The following HERC6 variants were observed in gnomAD, a reference collection of about 807,000 sequenced individuals.
HERC6 encodes probable E3 ubiquitin-protein ligase HERC6.
In HERC6, 101 loss-of-function variants were observed where a neutral mutation model predicts 114.5. The ratio of observed to expected loss-of-function variants is 0.88; its 90% CI spans 0.75 to 1.04. The LOEUF is 1.04. Among genes scored for constraint, HERC6 ranks in the 50% least tolerant of loss-of-function variants. The pLI is 0.00. For missense variants in HERC6, 1,133 were observed against 1,230.9 expected (o/e 0.92, Z 1.19); for synonymous variants, 408 against 436.2 (o/e 0.94, Z 0.81).
intron 10 of HERC6, among the ~76,000 whole-genome samples, chr4:88,406,569 A>T (rs1735822776): frequency 6.6e-6 from 1 of 152,172 alleles, no homozygotes; most frequent in African/African-American, 2.4e-5. Flanking sequence ...TCCTAATGTG[A>T]AAAAGTATCC....
intron 3 of HERC6, among the ~76,000 whole-genome samples, chr4:88,387,355 C>A (rs1002143525): frequency 2.2e-4 from 34 of 152,088 alleles, no homozygotes; most frequent in African/African-American, 7.7e-4. Context: ...TATGATTGTG[C>A]CACTGCATTC....
Position 88,385,543 on chromosome 4 carries a change from G to A in HERC6, c.404G>A (p.Cys135Tyr), listed in dbSNP as rs756499513. The change falls in exon 3 of 23, where the codon TGT becomes TAT. Residue 135 changes from cysteine to tyrosine, a missense_variant. Cys to Tyr is a radical substitution (Grantham distance 194). This residue lies in a region of HERC6 where 735 missense variants were observed against 754.0 expected (regional missense o/e 0.97). Coordinates refer to ENST00000264346, the MANE Select transcript of HERC6 (RefSeq NM_017912.4). ...GATATAAAAATAATACAAGTTTCCTGTGGACACTACCACTCCCTGGCATTA... is the reference window on the plus strand; with the variant it reads ...GATATAAAAATAATACAAGTTTCCTATGGACACTACCACTCCCTGGCATTA... ...LNDIKIIQVS[C>Y]GHYHSLALSK... 4 of 1,505,988 alleles carry A rather than the reference G, an allele frequency of 2.7e-6. No individual in the cohort carries two copies. In the East Asian group the frequency reaches 1.0e-4, roughly 38 times the overall value. 93.3% of individuals were successfully genotyped at this position (1,505,988 alleles called of 1,614,324 possible).
At chr4:88,439,771 T>C (rs528635180) in intron 20 of HERC6, 103 bp from the exon 21 acceptor site, 20 of 1,144,330 alleles carry the variant, frequency 1.7e-5, no homozygotes, top group Non-Finnish European at 2.1e-5. Context: ...TAATTTACTT[T>C]TCCTTCTCAA....
chr4:88,388,087 T>G (rs1734682283), intron 3 of HERC6, among the ~76,000 whole-genome samples: 3 of 152,240 alleles, frequency 2.0e-5, no homozygotes. Context: ...CTCTGAGATA[T>G]GTTAGCATTT....
intron 8 of HERC6, chr4:88,398,444 G>T: frequency 2.8e-6 from 1 of 356,794 alleles, no homozygotes. Flanking sequence ...TTTCTTTATG[G>T]GTAAGTGTGT....
At position 88,442,712 on chromosome 4, in the gene HERC6, C is replaced by A. The variant is rs1258232008; in HGVS notation, c.*252C>A. ...TCCCTGGCACTGAAGAGTCTGAACA[C>A]TGGCCTGTGATTGGTCCATTCCAGG... On this transcript the variant is annotated 3_prime_UTR_variant, in exon 23 of 23. Transcript: ENST00000264346. 5.7e-6 allele frequency: 3 copies of A among 523,728 alleles called. No individual in the cohort carries two copies. Among genetic ancestry groups the A allele is most frequent in the African/African-American group, 5.7e-5 (3 of 52,490 alleles). The allele number at this position is 523,728 out of a possible 1,614,324, so 32.4% of individuals were successfully genotyped here.
rs765311442 is a variant in HERC6 at position 88,379,129 on chromosome 4, G to C, written c.199+9G>C. The C allele has an allele frequency of 6.5e-7, 1 of 1,536,252 alleles. No individual in the cohort carries two copies. The highest frequency in any genetic ancestry group is 8.7e-7 in the Non-Finnish European group (1 of 1,144,354). Reference sequence around the variant, plus strand: ...GCGCGGGGAGCTGCCAGGTGAGCGGGGGGCCCCAGGTGCAGGGTGTGAGGA... The same window carrying C: ...GCGCGGGGAGCTGCCAGGTGAGCGGCGGGCCCCAGGTGCAGGGTGTGAGGA... On this transcript the variant is annotated intron_variant, in intron 1 of 22. Transcript: ENST00000264346.
At chr4:88,421,296 A>G (rs943898754) in intron 13 of HERC6, among the ~76,000 whole-genome samples, 11 of 152,276 alleles carry the variant, frequency 7.2e-5, no homozygotes, top group Non-Finnish European at 1.5e-4. Context: ...TTTCCCGTAT[A>G]TACCCAAGAG....
Position 88,435,841 on chromosome 4 carries a change from C to A in HERC6, c.2367C>A (p.Asp789Glu), listed in dbSNP as rs1356029857. The A allele has an allele frequency of 6.2e-7, 1 of 1,610,712 alleles. No individual in the cohort carries two copies. Among genetic ancestry groups the A allele is most frequent in the Non-Finnish European group, 8.5e-7 (1 of 1,178,538 alleles). Reference sequence around the variant, plus strand: ...TGGCTCTGTATAAAAAACTTCTGGACCAAAAGCCATCATTGGAAGATTTAA... The same window carrying A: ...TGGCTCTGTATAAAAAACTTCTGGAACAAAAGCCATCATTGGAAGATTTAA... Reference protein sequence around the residue: ...FPLALYKKLLDQKPSLEDLKE... With the variant: ...FPLALYKKLLEQKPSLEDLKE... The change falls in exon 18 of 23, where the codon GAC becomes GAA. Residue 789 changes from aspartate (D) to glutamate (E), a missense_variant. This residue lies in a region of HERC6 where 388 missense variants were observed against 445.9 expected (regional missense o/e 0.87). Coordinates refer to ENST00000264346, the MANE Select transcript of HERC6 (RefSeq NM_017912.4).
intron 12 of HERC6, among the ~76,000 whole-genome samples, chr4:88,414,303 T>C (rs1425573013): frequency 7.9e-6 from 1 of 127,190 alleles, no homozygotes; most frequent in African/African-American, 3.7e-5. Flanking sequence ...AGACCCCGAC[T>C]CTACCAATTT....
intron 13 of HERC6, among the ~76,000 whole-genome samples, chr4:88,420,567 T>G (rs1027098008): frequency 6.6e-6 from 1 of 152,204 alleles, no homozygotes; most frequent in Non-Finnish European, 1.5e-5. Flanking sequence ...TTGCAGTCTT[T>G]TATTAGATAA....
intron 3 of HERC6, among the ~76,000 whole-genome samples, chr4:88,389,016 G>A (rs1454476459): frequency 2.6e-5 from 4 of 152,198 alleles, no homozygotes; most frequent in African/African-American, 9.7e-5. Context: ...GTACCTGGGT[G>A]GAGGAAAGGA....
chr4:88,434,683 C>T (rs748860035), intron 17 of HERC6, among the ~76,000 whole-genome samples: 3 of 151,592 alleles, frequency 2.0e-5, no homozygotes, highest in Non-Finnish European at 4.4e-5. Context: ...AGTGATCAAG[C>T]CAGGATATGA....
intron 12 of HERC6, among the ~76,000 whole-genome samples, chr4:88,413,508 C>T (rs986560550): frequency 6.6e-6 from 1 of 152,088 alleles, no homozygotes; most frequent in Admixed American, 6.6e-5. Context: ...ATAAGGTATT[C>T]ATTTTAGACT....
chr4:88,437,606 T>C, intron 19 of HERC6, 105 bp from the exon 20 acceptor site: 1 of 733,216 alleles, frequency 1.4e-6, no homozygotes. Context: ...CTCCAAGTTA[T>C]TTTCAGTTAC....
At chr4:88,385,472 A>G (rs1403222838) in intron 2 of HERC6, 27 bp from the exon 3 acceptor site, 1 of 1,120,548 alleles carries the variant, frequency 8.9e-7, no homozygotes, top group Middle Eastern at 2.1e-4. Flanking sequence ...ATAAGGATTA[A>G]TCAATTTTGT....
chr4:88,380,274 TAATATATA>T (rs1734196996), intron 1 of HERC6, among the ~76,000 whole-genome samples: 1 of 26,956 alleles, frequency 3.7e-5, no homozygotes, highest in Non-Finnish European at 5.8e-5. Context: ...TAAATATATA[TAATATATA>T]AATATATAAT....
At chr4:88,383,444 G>C in intron 2 of HERC6, 64 bp downstream of exon 2, 1 of 1,277,656 alleles carries the variant, frequency 7.8e-7, no homozygotes, top group Non-Finnish European at 1.0e-6. Flanking sequence ...CAGGCACTGT[G>C]CAAGATGCCA....
At chr4:88,389,144 C>T (rs1300981282) in intron 3 of HERC6, among the ~76,000 whole-genome samples, 1 of 151,976 alleles carries the variant, frequency 6.6e-6, no homozygotes, top group African/African-American at 2.4e-5. Flanking sequence ...ATTACCCAGA[C>T]ACAAAGGCCA....
Sources: allele counts gnomAD v4.1 joint callset (sites outside exome capture counted in the v4.1 genomes callset), GRCh38; gene constraint gnomAD v4.1.1; regional missense constraint gnomAD v4.1.1; transcripts MANE v1.5; gene names NCBI Gene and HGNC (gene_info 2026-07-23, HGNC 2026-07-21).